NEDD4L: variants seen among roughly 807,000 people sequenced by gnomAD.
NEDD4L encodes the protein NEDD4 like E3 ubiquitin protein ligase, also known as E3 ubiquitin-protein ligase NEDD4-like.
In NEDD4L, 54 loss-of-function variants were observed where a neutral mutation model predicts 148.9. The observed-to-expected ratio is 0.36, with a 90% CI of 0.29 to 0.45. NEDD4L has a LOEUF of 0.45. Among genes scored for constraint, NEDD4L ranks in the 20% least tolerant of loss-of-function variants. The probability of loss-of-function intolerance (pLI) is 1.00; values close to 1 mark genes in which losing one functional copy is unlikely to be tolerated. For synonymous variants in NEDD4L, 433 were observed against 440.7 expected (o/e 0.98, Z 0.22); for missense variants, 856 against 1,233.8 (o/e 0.69, Z 4.59).
At chr18:58,234,439 C>T (rs539987882) in intron 2 of NEDD4L, among the ~76,000 whole-genome samples, 2 of 151,366 alleles carry the variant, frequency 1.3e-5, no homozygotes, top group Admixed American at 6.6e-5. Flanking sequence ...CTAAGCAATC[C>T]TCTCACCTCA....
At chr18:58,234,292 T>C (rs1464245094) in intron 2 of NEDD4L, among the ~76,000 whole-genome samples, 6 of 116,612 alleles carry the variant, frequency 5.1e-5, no homozygotes, top group Admixed American at 9.5e-5. Context: ...CCCTTCTCCT[T>C]CCCCTTCCTC....
chr18:58,172,649 G>A (rs903298222), intron 2 of NEDD4L, among the ~76,000 whole-genome samples: 3 of 152,208 alleles, frequency 2.0e-5, no homozygotes, highest in Non-Finnish European at 4.4e-5. Flanking sequence ...GTTAGAGGCT[G>A]TTACTTGAGT....
intron 2 of NEDD4L, among the ~76,000 whole-genome samples, chr18:58,198,366 A>G (rs970362226): frequency 6.6e-6 from 1 of 152,192 alleles, no homozygotes; most frequent in Non-Finnish European, 1.5e-5. Flanking sequence ...GCAGAGTGAC[A>G]TGTAAGAAGC....
Position 58,205,131 on chromosome 18 carries a change from C to A in NEDD4L, c.122+39270C>A, listed in dbSNP as rs539215800. On this transcript the variant is annotated intron_variant, in intron 2 of 30. Coordinates refer to ENST00000400345, the MANE Select transcript of NEDD4L (RefSeq NM_001144967.3). ...GTAAGCAATGTAGAATCAAAGGTAT[C>A]ATCTTTATTATGTCCTATTTGTGTT... Among the ~76,000 whole-genome samples the A allele has an allele frequency of 2.0e-5, 3 of 152,212 alleles. No homozygotes were observed. In the South Asian group the frequency reaches 6.2e-4, roughly 32 times the overall value.
At chr18:58,159,678 CTTAG>C in intron 1 of NEDD4L, among the ~76,000 whole-genome samples, 1 of 152,214 alleles carries the variant, frequency 6.6e-6, no homozygotes, top group African/African-American at 2.4e-5. Flanking sequence ...CATATGCTGG[CTTAG>C]TTATTTTTTA....
At chr18:58,069,782 T>C (rs1363351270) in intron 1 of NEDD4L, among the ~76,000 whole-genome samples, 2 of 152,224 alleles carry the variant, frequency 1.3e-5, no homozygotes, top group Non-Finnish European at 2.9e-5. Context: ...TTTCAAGTTT[T>C]TCAGAACCAT....
At chr18:58,323,740 T>C (rs2059056078) in intron 8 of NEDD4L, among the ~76,000 whole-genome samples, 1 of 152,198 alleles carries the variant, frequency 6.6e-6, no homozygotes, top group African/African-American at 2.4e-5. Context: ...TCTTACTCAT[T>C]TGGCCACAGG....
At position 58,096,346 on chromosome 18, in the gene NEDD4L, TATTTATTTTATTTTA is replaced by T. The variant is rs1360547948; in HGVS notation, c.48+51639_48+51653del. Among the ~76,000 whole-genome samples the T allele has an allele frequency of 2.1e-4, 30 of 142,180 alleles. 1 individual carries two copies. Among genetic ancestry groups the T allele is most frequent in the African/African-American group, 7.7e-4 (29 of 37,430 alleles). 93.3% of individuals were successfully genotyped at this position (142,180 alleles called of 152,430 possible). ...TGGCCTTAGTGTGATTATTTTATTT[TATTTATTTTATTTTA>T]TTTTATTTTATTTTATTTTATTTTA... On this transcript the variant is annotated intron_variant, in intron 1 of 30. Coordinates refer to ENST00000400345, the MANE Select transcript of NEDD4L (RefSeq NM_001144967.3).
chr18:58,288,762 C>T (rs949967702), intron 5 of NEDD4L, among the ~76,000 whole-genome samples: 2 of 151,910 alleles, frequency 1.3e-5, no homozygotes, highest in Non-Finnish European at 2.9e-5. Context: ...CACTATGCGA[C>T]GTTCTTTGCA....
At chr18:58,300,123 G>C (rs2056265998) in intron 5 of NEDD4L, among the ~76,000 whole-genome samples, 1 of 152,198 alleles carries the variant, frequency 6.6e-6, no homozygotes, top group South Asian at 2.1e-4. Flanking sequence ...CGAGTTACTA[G>C]GCCTTTCTGT....
intron 16 of NEDD4L, among the ~76,000 whole-genome samples, chr18:58,343,648 TG>T (rs2042707308): frequency 6.6e-6 from 1 of 152,124 alleles, no homozygotes; most frequent in Non-Finnish European, 1.5e-5. Flanking sequence ...AGCTCCTTTT[TG>T]TGATCATTTT....
At chr18:58,286,754 A>T (rs1044266715) in intron 5 of NEDD4L, among the ~76,000 whole-genome samples, 1 of 152,348 alleles carries the variant, frequency 6.6e-6, no homozygotes, top group Middle Eastern at 3.4e-3. Context: ...GGATAATTGA[A>T]TTTAATTGAA....
chr18:58,260,223 A>G (rs560004928), intron 5 of NEDD4L, among the ~76,000 whole-genome samples: 89 of 152,332 alleles, frequency 5.8e-4, no homozygotes, highest in Non-Finnish European at 2.9e-4. Flanking sequence ...AACAAGTAGC[A>G]TTCTTTTCAT....
intron 1 of NEDD4L, among the ~76,000 whole-genome samples, chr18:58,124,440 G>A (rs921265460): frequency 2.9e-4 from 44 of 152,238 alleles, no homozygotes; most frequent in African/African-American, 9.4e-4. Flanking sequence ...CTGCTTCTCC[G>A]CCTCCAAGTG....
chr18:58,106,196 C>T (rs1599311807), intron 1 of NEDD4L, among the ~76,000 whole-genome samples: 1 of 152,206 alleles, frequency 6.6e-6, no homozygotes, highest in Non-Finnish European at 1.5e-5. Flanking sequence ...GGACACTGCC[C>T]AAATCAACTG....
At chr18:58,157,346 C>CT (rs1324477760) in intron 1 of NEDD4L, among the ~76,000 whole-genome samples, 1 of 152,126 alleles carries the variant, frequency 6.6e-6, no homozygotes, top group Non-Finnish European at 1.5e-5. Context: ...AAAGAAGTCT[C>CT]TTTTTTCTCA....
intron 16 of NEDD4L, among the ~76,000 whole-genome samples, chr18:58,348,603 C>G (rs1331860535): frequency 1.3e-5 from 2 of 152,112 alleles, no homozygotes; most frequent in Non-Finnish European, 2.9e-5. Context: ...CATGAGCCAT[C>G]GTGCCCGGCC....
At chr18:58,141,426 C>G (rs1470094557) in intron 1 of NEDD4L, among the ~76,000 whole-genome samples, 2 of 152,024 alleles carry the variant, frequency 1.3e-5, no homozygotes, top group Admixed American at 1.3e-4. Flanking sequence ...CCTTTAATCA[C>G]CAGGGCTGGG....
intron 1 of NEDD4L, among the ~76,000 whole-genome samples, chr18:58,065,972 G>A (rs2082570239): frequency 6.6e-6 from 1 of 152,112 alleles, no homozygotes; most frequent in African/African-American, 2.4e-5. Context: ...TATATGTAAT[G>A]GCATATGAAA....
Sources: allele counts gnomAD v4.1 joint callset (sites outside exome capture counted in the v4.1 genomes callset), GRCh38; gene constraint gnomAD v4.1.1; transcripts MANE v1.5; gene names NCBI Gene and HGNC (gene_info 2026-07-23, HGNC 2026-07-21).